The following TMEFF2 variants were observed in gnomAD, a reference collection of about 807,000 sequenced individuals.
The protein encoded by TMEFF2 is tomoregulin-2.
Under a neutral mutation model 53.8 loss-of-function variants are expected in TMEFF2, and 28 were observed. The ratio of observed to expected loss-of-function variants is 0.52; its 90% CI spans 0.39 to 0.71. The LOEUF is 0.71. Among genes scored for constraint, TMEFF2 ranks in the 30% least tolerant of loss-of-function variants. The probability of loss-of-function intolerance (pLI) is 0.00; values close to 1 mark genes in which losing one functional copy is unlikely to be tolerated. For synonymous variants in TMEFF2, 162 were observed against 166.3 expected (o/e 0.97, Z 0.20); for missense variants, 353 against 455.2 (o/e 0.78, Z 2.04).
chr2:191,956,462 G>T, intron 7 of TMEFF2, 84 bp from the exon 8 acceptor site: 1 of 1,436,904 alleles, frequency 7.0e-7, no homozygotes, highest in Non-Finnish European at 9.3e-7. Context: ...CAAAGCTATG[G>T]TAGGCAAAGA....
At chr2:191,980,779 T>C (rs1685835271) in intron 7 of TMEFF2, among the ~76,000 whole-genome samples, 1 of 152,258 alleles carries the variant, frequency 6.6e-6, no homozygotes, top group East Asian at 1.9e-4. Flanking sequence ...CCCCGAGTCC[T>C]ACTCTTCCTG....
chr2:192,080,548 T>A (rs1158566897), intron 4 of TMEFF2, among the ~76,000 whole-genome samples: 3 of 152,174 alleles, frequency 2.0e-5, no homozygotes, highest in African/African-American at 7.2e-5. Flanking sequence ...TATAGTAGTA[T>A]GAAATTGGAC....
intron 4 of TMEFF2, among the ~76,000 whole-genome samples, chr2:192,074,294 A>G (rs1232135383): frequency 3.1e-4 from 47 of 152,026 alleles, no homozygotes; most frequent in East Asian, 1.9e-4. Flanking sequence ...ATTACAAATT[A>G]CAAAACCTCA....
chr2:192,055,639 G>T (rs1042586715), intron 5 of TMEFF2, among the ~76,000 whole-genome samples: 1 of 151,794 alleles, frequency 6.6e-6, no homozygotes, highest in Admixed American at 6.6e-5. Flanking sequence ...GCCGGGCATG[G>T]TGGTGCGCAC....
At chr2:192,026,907 C>T (rs1387402588) in intron 5 of TMEFF2, among the ~76,000 whole-genome samples, 2 of 152,158 alleles carry the variant, frequency 1.3e-5, no homozygotes. Flanking sequence ...AATGCCTGAC[C>T]ACATGTGCAA....
intron 3 of TMEFF2, among the ~76,000 whole-genome samples, chr2:192,181,048 T>C (rs1691173825): frequency 1.3e-5 from 2 of 151,770 alleles, no homozygotes; most frequent in Non-Finnish European, 2.9e-5. Flanking sequence ...TCTTAGTAAA[T>C]GTAGAATCAA....
At chr2:191,951,710 C>T (rs1691888800) in intron 9 of TMEFF2, among the ~76,000 whole-genome samples, 1 of 152,060 alleles carries the variant, frequency 6.6e-6, no homozygotes, top group African/African-American at 2.4e-5. Context: ...GAAATGAATC[C>T]ACACTGGGAA....
At chr2:191,993,136 T>A (rs1453903281) in intron 7 of TMEFF2, among the ~76,000 whole-genome samples, 1 of 152,098 alleles carries the variant, frequency 6.6e-6, no homozygotes, top group Non-Finnish European at 1.5e-5. Context: ...TGAAAAGGCT[T>A]TGTAAATTGC....
In TMEFF2 at chr2:192,192,004, G is replaced by A. The variant is rs187139611; in HGVS notation, c.173-15C>T. The stretch of plus-strand genomic sequence containing the variant: ...GTCATCATAACCTCAAATTCAAAGA[G>A]AACACTCCAGTCATTAAAACATCTT... On this transcript the variant is annotated splice_polypyrimidine_tract_variant and intron_variant, in intron 1 of 9. Coordinates refer to ENST00000272771, the MANE Select transcript of TMEFF2 (RefSeq NM_016192.4). 9 of 1,532,310 alleles carry A rather than the reference G, an allele frequency of 5.9e-6. No individual in the cohort carries two copies. The African/African-American group carries it at 6.8e-5, about 12-fold the overall frequency. 94.9% of individuals were successfully genotyped at this position (1,532,310 alleles called of 1,614,324 possible). A position where few individuals can be genotyped will look rare whatever the true frequency, so the allele number is the denominator to read the frequency against.
intron 4 of TMEFF2, among the ~76,000 whole-genome samples, chr2:192,146,865 C>T (rs1213993074): frequency 1.3e-5 from 2 of 152,094 alleles, no homozygotes; most frequent in Non-Finnish European, 2.9e-5. Flanking sequence ...CTAAGCAATA[C>T]TGGTTGTCTA....
At chr2:191,955,274 T>C (rs1692039334) in intron 8 of TMEFF2, among the ~76,000 whole-genome samples, 2 of 151,782 alleles carry the variant, frequency 1.3e-5, no homozygotes, top group African/African-American at 4.8e-5. Context: ...TAAAAATAAA[T>C]TATGTTTTCA....
At chr2:191,969,229 T>C (rs1692561983) in intron 7 of TMEFF2, among the ~76,000 whole-genome samples, 1 of 151,826 alleles carries the variant, frequency 6.6e-6, no homozygotes, top group Non-Finnish European at 1.5e-5. Flanking sequence ...ATAGAATGAA[T>C]AAATAAATGA....
At chr2:192,006,483 A>T (rs899876258) in intron 5 of TMEFF2, among the ~76,000 whole-genome samples, 3 of 152,198 alleles carry the variant, frequency 2.0e-5, no homozygotes, top group African/African-American at 7.2e-5. Flanking sequence ...ATAAAGACAG[A>T]TGGAGAATGT....
intron 2 of TMEFF2, among the ~76,000 whole-genome samples, chr2:192,188,148 G>A (rs888312916): frequency 3.3e-5 from 5 of 152,120 alleles, no homozygotes; most frequent in Admixed American, 6.5e-5. Context: ...CATTCCATAA[G>A]TAATTTTTAC....
chr2:192,151,307 G>A (rs185626045), intron 4 of TMEFF2, among the ~76,000 whole-genome samples: 1 of 151,864 alleles, frequency 6.6e-6, no homozygotes, highest in African/African-American at 2.4e-5. Context: ...AAGAATATGG[G>A]CATCAGTTAC....
chr2:192,093,054 C>A (rs1368547717), intron 4 of TMEFF2, among the ~76,000 whole-genome samples: 3 of 152,212 alleles, frequency 2.0e-5, no homozygotes, highest in African/African-American at 4.8e-5. Context: ...TAATTAGAAA[C>A]CTTCTCTTGA....
intron 4 of TMEFF2, among the ~76,000 whole-genome samples, chr2:192,080,538 T>C (rs2105925009): frequency 1.3e-5 from 2 of 152,306 alleles, no homozygotes; most frequent in Non-Finnish European, 2.9e-5. Flanking sequence ...GGCAGTTCTT[T>C]ATAGTAGTAT....
intron 7 of TMEFF2, among the ~76,000 whole-genome samples, chr2:191,981,261 A>G (rs1028006869): frequency 1.3e-5 from 2 of 152,198 alleles, no homozygotes; most frequent in Non-Finnish European, 2.9e-5. Context: ...CCATGAAACT[A>G]TTTGTCATTC....
intron 4 of TMEFF2, among the ~76,000 whole-genome samples, chr2:192,155,401 A>T (rs1373415875): frequency 6.6e-6 from 1 of 151,976 alleles, no homozygotes; most frequent in African/African-American, 2.4e-5. Flanking sequence ...CAGATTATGA[A>T]AATCCTTATA....
Sources: gnomAD v4.1 joint callset for allele counts (sites outside exome capture counted in the v4.1 genomes callset) on GRCh38, gnomAD v4.1.1 for gene constraint, MANE v1.5 for transcripts, NCBI Gene and HGNC (gene_info 2026-07-23, HGNC 2026-07-21) for gene names.